The following LRRC4C variants were observed in gnomAD, a reference collection of about 807,000 sequenced individuals.
The protein encoded by LRRC4C is leucine-rich repeat-containing protein 4C.
Under a neutral mutation model 33.6 loss-of-function variants are expected in LRRC4C, and 5 were observed. That is an observed-to-expected ratio of 0.15 (90% CI 0.08 to 0.31). The LOEUF is 0.31. Ranked by LOEUF, LRRC4C falls within the 10% of genes least tolerant of loss-of-function variation. The pLI is 1.00. For synonymous variants in LRRC4C, 329 were observed against 302.0 expected (o/e 1.09, Z -0.93); for missense variants, 560 against 796.7 (o/e 0.70, Z 3.58).
chr11:40,468,325 G>A (rs1319110069), intron 3 of LRRC4C, among the ~76,000 whole-genome samples: 1 of 152,144 alleles, frequency 6.6e-6, no homozygotes, highest in African/African-American at 2.4e-5. Context: ...TTGTAGTCTG[G>A]AGTCCAAAGG....
At chr11:40,561,099 G>A (rs751806291) in intron 3 of LRRC4C, among the ~76,000 whole-genome samples, 7 of 152,084 alleles carry the variant, frequency 4.6e-5, no homozygotes, top group Non-Finnish European at 8.8e-5. Flanking sequence ...TCAAACTTAG[G>A]AAAATGAGGA....
chr11:40,809,916 T>C (rs1483945400), intron 2 of LRRC4C, among the ~76,000 whole-genome samples: 2 of 152,182 alleles, frequency 1.3e-5, no homozygotes, highest in Non-Finnish European at 1.5e-5. Flanking sequence ...GAGATTGAAA[T>C]GTACAAAAAT....
chr11:40,524,708 C>T (rs1955966323), intron 3 of LRRC4C, among the ~76,000 whole-genome samples: 1 of 152,166 alleles, frequency 6.6e-6, no homozygotes, highest in African/African-American at 2.4e-5. Flanking sequence ...AAAACTGAAG[C>T]TCATTCAATT....
intron 1 of LRRC4C, among the ~76,000 whole-genome samples, chr11:41,345,342 G>C (rs145090209): frequency 4.6e-5 from 7 of 152,092 alleles, no homozygotes; most frequent in Admixed American, 1.3e-4. Flanking sequence ...TATCTTTGTC[G>C]ATATGTATTC....
intron 1 of LRRC4C, among the ~76,000 whole-genome samples, chr11:41,030,507 G>C (rs536348812): frequency 6.6e-6 from 1 of 151,830 alleles, no homozygotes; most frequent in East Asian, 1.9e-4. Flanking sequence ...CAACACCAGA[G>C]ACCTTGTGTA....
chr11:40,644,893 T>C (rs979684549), intron 3 of LRRC4C, among the ~76,000 whole-genome samples: 1 of 151,828 alleles, frequency 6.6e-6, no homozygotes, highest in African/African-American at 2.4e-5. Flanking sequence ...TATGTAGTTT[T>C]GCAAGATATT....
intron 2 of LRRC4C, among the ~76,000 whole-genome samples, chr11:40,649,269 C>T (rs1160932871): frequency 6.6e-6 from 1 of 152,110 alleles, no homozygotes; most frequent in Non-Finnish European, 1.5e-5. Flanking sequence ...TTATCTCAAC[C>T]ACATAAGACA....
chr11:40,719,018 A>G (rs1210894218), intron 2 of LRRC4C, among the ~76,000 whole-genome samples: 1 of 152,216 alleles, frequency 6.6e-6, no homozygotes, highest in African/African-American at 2.4e-5. Context: ...TCAGAAATGC[A>G]TTACTTCTCT....
intron 2 of LRRC4C, among the ~76,000 whole-genome samples, chr11:40,648,783 C>T (rs1163474153): frequency 6.6e-6 from 1 of 152,198 alleles, no homozygotes; most frequent in Non-Finnish European, 1.5e-5. Context: ...GGAGAACCCA[C>T]TCCCAATATT....
chr11:41,074,783 T>G (rs1033949356), intron 1 of LRRC4C, among the ~76,000 whole-genome samples: 2 of 152,104 alleles, frequency 1.3e-5, no homozygotes, highest in African/African-American at 4.8e-5. Context: ...AGCAATGACT[T>G]TCATTATGGA....
At chr11:40,799,791 G>A (rs556463135) in intron 2 of LRRC4C, among the ~76,000 whole-genome samples, 24 of 152,208 alleles carry the variant, frequency 1.6e-4, no homozygotes, top group Admixed American at 1.3e-3. Flanking sequence ...CTTACTTTTT[G>A]ATATGTCTTT....
chr11:40,399,569 A>T (rs1467664254), intron 3 of LRRC4C, among the ~76,000 whole-genome samples: 1 of 151,942 alleles, frequency 6.6e-6, no homozygotes, highest in Non-Finnish European at 1.5e-5. Flanking sequence ...GCATTAGGAG[A>T]TATACCTAAT....
chr11:41,183,482 T>C (rs1175034494), intron 1 of LRRC4C, among the ~76,000 whole-genome samples: 1 of 152,162 alleles, frequency 6.6e-6, no homozygotes, highest in Non-Finnish European at 1.5e-5. Context: ...CAGTCAGATC[T>C]TAGAGCTCCA....
In LRRC4C at chr11:40,494,864, G is replaced by T. The variant is rs565273373; in HGVS notation, c.-270+153278C>A. Among the ~76,000 whole-genome samples the T allele has an allele frequency of 2.8e-4, 43 of 152,240 alleles. No homozygotes were observed. The South Asian group carries it at 5.2e-3, about 18-fold the overall frequency. On this transcript the variant is annotated intron_variant, in intron 3 of 6. Transcript: ENST00000528697. ...TGCTCCAAATAAGTACAAGGAATTT[G>T]CAATCAGACTGTTTGAATCCCAACT...
intron 3 of LRRC4C, among the ~76,000 whole-genome samples, chr11:40,369,355 T>C (rs1334162090): frequency 1.3e-5 from 2 of 152,210 alleles, no homozygotes; most frequent in Admixed American, 6.5e-5. Context: ...TGTTGTTTGT[T>C]TGTTTTGAGA....
intron 1 of LRRC4C, among the ~76,000 whole-genome samples, chr11:41,428,379 T>G (rs73474121): frequency 0.017 from 2,516 of 152,252 alleles, 80 homozygotes; most frequent in African/African-American, 0.057. Context: ...AAGTAGATAA[T>G]GTACTATTTA....
intron 1 of LRRC4C, among the ~76,000 whole-genome samples, chr11:41,410,672 C>A (rs1200372377): frequency 3.3e-5 from 5 of 152,050 alleles, no homozygotes; most frequent in Non-Finnish European, 7.4e-5. Context: ...CATCTCCTGA[C>A]CTCGTGATCC....
At chr11:41,038,901 A>T (rs886665562) in intron 1 of LRRC4C, among the ~76,000 whole-genome samples, 1 of 152,126 alleles carries the variant, frequency 6.6e-6, no homozygotes, top group Non-Finnish European at 1.5e-5. Flanking sequence ...CCTTCTCCTG[A>T]TAGTTTCTTT....
chr11:41,043,421 T>G (rs765764423), intron 1 of LRRC4C, among the ~76,000 whole-genome samples: 6 of 152,196 alleles, frequency 3.9e-5, no homozygotes, highest in Non-Finnish European at 8.8e-5. Flanking sequence ...TAAGGTTTTA[T>G]TAATTAAAAA....
Sources: allele counts gnomAD v4.1 joint callset (sites outside exome capture counted in the v4.1 genomes callset), GRCh38; gene constraint gnomAD v4.1.1; transcripts MANE v1.5; gene names NCBI Gene and HGNC (gene_info 2026-07-23, HGNC 2026-07-21).